RNF170: variants seen among roughly 807,000 people sequenced by gnomAD.
RNF170 encodes the protein E3 ubiquitin-protein ligase RNF170.
In RNF170, 12 loss-of-function variants were observed where a neutral mutation model predicts 32.7. The observed-to-expected ratio is 0.37, with a 90% CI of 0.24 to 0.60. The LOEUF (loss-of-function observed/expected upper bound fraction) is 0.60, where lower values mean the gene tolerates loss of function less well. Among genes scored for constraint, RNF170 ranks in the 20% least tolerant of loss-of-function variants. The probability of loss-of-function intolerance (pLI) is 0.72; values close to 1 mark genes in which losing one functional copy is unlikely to be tolerated. For synonymous variants in RNF170, 91 were observed against 103.6 expected, an observed-to-expected ratio of 0.88 and a Z score of 0.74; for missense variants, 212 against 311.2, an observed-to-expected ratio of 0.68 and a Z score of 2.40.
chr8:42,896,530 A>G lies in RNF170; in HGVS notation c.-54T>C, dbSNP rs1470768459. The G allele has an allele frequency of 4.4e-6, 2 of 453,690 alleles. No homozygotes were observed. The highest frequency in any genetic ancestry group is 8.8e-6 in the Non-Finnish European group (2 of 226,678). 28.1% of individuals were successfully genotyped at this position (453,690 alleles called of 1,614,324 possible). A position where few individuals can be genotyped will look rare whatever the true frequency, so the allele number is the denominator to read the frequency against. On this transcript the variant is annotated 5_prime_UTR_variant, in exon 1 of 7. Coordinates refer to ENST00000527424, the MANE Select transcript of RNF170 (RefSeq NM_030954.4). Reference sequence around the variant, plus strand: ...CCTCGCCAGTTCCCGGCGACAGAGGACAGATTATTTCCAGGACCGCTCCCG... The same window carrying G: ...CCTCGCCAGTTCCCGGCGACAGAGGGCAGATTATTTCCAGGACCGCTCCCG...
intron 1 of RNF170, among the ~76,000 whole-genome samples, chr8:42,894,308 T>G (rs1209160890): frequency 3.3e-5 from 5 of 152,172 alleles, no homozygotes; most frequent in Admixed American, 2.6e-4. Flanking sequence ...GGAAGGGTGC[T>G]CAGGACGGCA....
intron 1 of RNF170, among the ~76,000 whole-genome samples, chr8:42,888,856 G>A (rs1806062042): frequency 6.9e-6 from 1 of 145,768 alleles, no homozygotes; most frequent in South Asian, 2.1e-4. Context: ...TACCAAATAA[G>A]TTCTCTAAAT....
intron 4 of RNF170, among the ~76,000 whole-genome samples, chr8:42,869,076 A>G (rs1804331627): frequency 6.6e-6 from 1 of 151,496 alleles, no homozygotes; most frequent in Non-Finnish European, 1.5e-5. Flanking sequence ...GCGCCTGGCT[A>G]ATTTCTTATT....
chr8:42,882,590 AT>A (rs559693139), intron 2 of RNF170, among the ~76,000 whole-genome samples: 81 of 152,342 alleles, frequency 5.3e-4, no homozygotes, highest in Middle Eastern at 6.8e-3. Context: ...CTTTGAAAAT[AT>A]TATGCTAAGT....
At chr8:42,874,972 G>A (rs1804802886) in intron 2 of RNF170, among the ~76,000 whole-genome samples, 1 of 151,952 alleles carries the variant, frequency 6.6e-6, no homozygotes, top group African/African-American at 2.4e-5. Flanking sequence ...GGGAGTTCGA[G>A]ACCAGCCTGA....
rs747091445 is a variant in RNF170 at position 42,870,057 on chromosome 8, C to G, written c.269G>C (p.Cys90Ser). ...QFYTDMYCPICLHQASFPVET... is the reference protein window; with the variant it reads ...QFYTDMYCPISLHQASFPVET... ...CACCGGGAAGGAGGCTTGGTGCAGG[C>G]AGATGGGACAGTACATGTCAGTGTA... is the stretch of plus-strand genomic sequence containing the variant. Residue 90 changes from cysteine to serine, a missense_variant, in exon 4 of 7, where the codon TGC becomes TCC. By Grantham distance (112) the Cys-to-Ser change is moderately radical. Transcript: ENST00000527424. The G allele has an allele frequency of 1.2e-6, 2 of 1,614,012 alleles. No homozygotes were observed. The highest frequency in any genetic ancestry group is 1.7e-6 in the Non-Finnish European group (2 of 1,180,012).
chr8:42,887,731 A>G lies in RNF170; in HGVS notation c.134T>C (p.Phe45Ser). 1 of 1,614,100 alleles carries G rather than the reference A, an allele frequency of 6.2e-7. No individual in the cohort carries two copies. The highest frequency in any genetic ancestry group is 8.5e-7 in the Non-Finnish European group (1 of 1,179,962). The change falls in exon 2 of 7, where the codon TTC (phenylalanine) becomes TCC (serine). Residue 45 changes from phenylalanine (F) to serine (S), a missense_variant. By Grantham distance (155) the Phe-to-Ser change is radical. Coordinates refer to ENST00000527424, the MANE Select transcript of RNF170 (RefSeq NM_030954.4). Reference sequence around the variant, plus strand: ...TTCTTTTGTCCTTAAATCTCACCTGAAAAGTGCATATACCAGGGTAGCAAT... The same window carrying G: ...TTCTTTTGTCCTTAAATCTCACCTGGAAAGTGCATATACCAGGGTAGCAAT... Reference protein sequence around the residue: ...ALIATLVYALFRNVHQNIHPE... With the variant: ...ALIATLVYALSRNVHQNIHPE...
intron 3 of RNF170, among the ~76,000 whole-genome samples, chr8:42,872,719 G>A (rs941264162): frequency 1.3e-5 from 2 of 152,070 alleles, no homozygotes; most frequent in African/African-American, 4.8e-5. Flanking sequence ...GGGATTACAG[G>A]CGTGAGCCAC....
chr8:42,892,757 T>G (rs1256517345), intron 1 of RNF170, among the ~76,000 whole-genome samples: 1 of 148,892 alleles, frequency 6.7e-6, no homozygotes, highest in Non-Finnish European at 1.5e-5. Flanking sequence ...GATGCCAAGG[T>G]GGGTGGATCA....
At chr8:42,874,682 T>C (rs1273349694) in intron 2 of RNF170, among the ~76,000 whole-genome samples, 2 of 151,592 alleles carry the variant, frequency 1.3e-5, no homozygotes, top group Non-Finnish European at 2.9e-5. Flanking sequence ...GCAGAGGTTG[T>C]AGTAAGCTGA....
At chr8:42,894,654 T>G (rs1198290025) in intron 1 of RNF170, among the ~76,000 whole-genome samples, 2 of 152,128 alleles carry the variant, frequency 1.3e-5, no homozygotes, top group African/African-American at 4.8e-5. Context: ...AACCTCAGCC[T>G]CCCGCGTTCA....
chr8:42,884,285 T>C (rs1157249326), intron 2 of RNF170, among the ~76,000 whole-genome samples: 1 of 152,044 alleles, frequency 6.6e-6, no homozygotes, highest in Non-Finnish European at 1.5e-5. Flanking sequence ...GGTTTCACAA[T>C]GTTGGTCAGG....
chr8:42,863,343 T>C (rs1464643068), intron 5 of RNF170, among the ~76,000 whole-genome samples: 2 of 152,102 alleles, frequency 1.3e-5, no homozygotes, highest in Non-Finnish European at 2.9e-5. Context: ...AGGGAGGGCC[T>C]GGAACTATTT....
chr8:42,851,576 AAAAAG>A (rs975709063), downstream of RNF170, among the ~76,000 whole-genome samples: 15 of 151,376 alleles, frequency 9.9e-5, no homozygotes, highest in African/African-American at 2.4e-4. Flanking sequence ...AAAAAAAAAA[AAAAAG>A]AAAGAAAAAG....
At chr8:42,850,675 T>C, downstream of RNF170, 1 of 1,142,496 alleles carries the variant, frequency 8.8e-7, no homozygotes, top group Non-Finnish European at 1.3e-6. Context: ...GATGCTGTGC[T>C]GAGATGTCTG....
Position 42,874,026 on chromosome 8 carries a change from A to G in RNF170, c.138-20T>C, listed in dbSNP as rs771916125. The G allele has an allele frequency of 7.0e-7, 1 of 1,423,380 alleles. No individual in the cohort carries two copies. Among genetic ancestry groups the G allele is most frequent in the Non-Finnish European group, 9.9e-7 (1 of 1,008,246 alleles). The allele number at this position is 1,423,380 out of a possible 1,614,324, so 88.2% of individuals were successfully genotyped here. On this transcript the variant is annotated intron_variant, in intron 2 of 6. Coordinates refer to ENST00000527424, the MANE Select transcript of RNF170 (RefSeq NM_030954.4). ...ACATTTCTGTTGAATAGAATATAATAAATTTTGAATAGAAAATATTATCAT... is the reference window on the plus strand; with the variant it reads ...ACATTTCTGTTGAATAGAATATAATGAATTTTGAATAGAAAATATTATCAT...
chr8:42,867,775 C>CAAAAAAAAA (rs1054907767), intron 4 of RNF170, among the ~76,000 whole-genome samples: 2 of 24,760 alleles, frequency 8.1e-5, no homozygotes, highest in Non-Finnish European at 1.6e-4. Context: ...GACTCCATCT[C>CAAAAAAAAA]AAAAAAAAAA....
At chr8:42,895,370 G>C (rs1806703399) in intron 1 of RNF170, among the ~76,000 whole-genome samples, 1 of 152,130 alleles carries the variant, frequency 6.6e-6, no homozygotes, top group Admixed American at 6.5e-5. Context: ...AGTGCTCAAT[G>C]AGAAAACCTA....
chr8:42,885,998 G>GA (rs1381183990), intron 2 of RNF170, among the ~76,000 whole-genome samples: 1 of 152,108 alleles, frequency 6.6e-6, no homozygotes, highest in Admixed American at 6.6e-5. Context: ...CGAGGTGGGC[G>GA]AATCAACTGA....
Sources: allele counts gnomAD v4.1 joint callset (sites outside exome capture counted in the v4.1 genomes callset), GRCh38; gene constraint gnomAD v4.1.1; transcripts MANE v1.5; gene names NCBI Gene and HGNC (gene_info 2026-07-23, HGNC 2026-07-21).